ARID1B: variants seen among roughly 807,000 people sequenced by gnomAD.
The protein encoded by ARID1B is AT-rich interactive domain-containing protein 1B.
ARID1B carries 30 observed loss-of-function variants against 212.3 expected under a neutral mutation model. The observed-to-expected ratio is 0.14, with a 90% CI of 0.11 to 0.19. ARID1B has a LOEUF of 0.19. Ranked by LOEUF, ARID1B falls within the 10% of genes least tolerant of loss-of-function variation. The probability of loss-of-function intolerance (pLI) is 1.00; values close to 1 mark genes in which losing one functional copy is unlikely to be tolerated. For synonymous variants in ARID1B, 1,402 were observed against 1,301.7 expected (o/e 1.08, Z -1.66); for missense variants, 2,891 against 3,204.0 (o/e 0.90, Z 2.36).
chr6:157,101,917 G>A (rs1279666724), intron 5 of ARID1B, among the ~76,000 whole-genome samples: 1 of 152,122 alleles, frequency 6.6e-6, no homozygotes, highest in African/African-American at 2.4e-5. Flanking sequence ...TCCATCTTAG[G>A]TTAGTTGGCT....
At chr6:156,962,917 G>T (rs2128326964) in intron 4 of ARID1B, among the ~76,000 whole-genome samples, 1 of 151,924 alleles carries the variant, frequency 6.6e-6, no homozygotes, top group African/African-American at 2.4e-5. Flanking sequence ...CAGTAGCTGG[G>T]ACTACAGGCG....
chr6:157,099,590 C>T (rs535728317), intron 5 of ARID1B, among the ~76,000 whole-genome samples: 18 of 152,218 alleles, frequency 1.2e-4, no homozygotes, highest in Admixed American at 5.2e-4. Context: ...GGGTGAGTAA[C>T]GTTTTATAAG....
chr6:157,144,171 T>G (rs1789562817), intron 7 of ARID1B, among the ~76,000 whole-genome samples: 1 of 152,214 alleles, frequency 6.6e-6, no homozygotes, highest in African/African-American at 2.4e-5. Flanking sequence ...CTTTCCTTTG[T>G]GTTCATTAAG....
At chr6:156,899,686 A>G (rs1020592545) in intron 2 of ARID1B, among the ~76,000 whole-genome samples, 2 of 152,180 alleles carry the variant, frequency 1.3e-5, no homozygotes, top group East Asian at 3.9e-4. Context: ...TGGCTGCTCT[A>G]GTGTTAGTAG....
At chr6:156,895,190 A>G (rs1788284789) in intron 2 of ARID1B, among the ~76,000 whole-genome samples, 1 of 152,172 alleles carries the variant, frequency 6.6e-6, no homozygotes, top group East Asian at 1.9e-4. Flanking sequence ...TATAGAACTC[A>G]TTTCTGTGTG....
chr6:156,861,711 C>CT (rs1785346200), intron 2 of ARID1B, among the ~76,000 whole-genome samples: 1 of 152,182 alleles, frequency 6.6e-6, no homozygotes, highest in Admixed American at 6.5e-5. Context: ...GGAACCTGAA[C>CT]TTTATCATGC....
intron 2 of ARID1B, among the ~76,000 whole-genome samples, chr6:156,868,587 G>A (rs1785885194): frequency 6.6e-6 from 1 of 152,162 alleles, no homozygotes; most frequent in African/African-American, 2.4e-5. Flanking sequence ...ATGGTGGAAG[G>A]GGGTGGCCAG....
Position 156,778,190 on chromosome 6 carries a change from C to T in ARID1B, c.510C>T (p.His170=), listed in dbSNP as rs1370116486. Residue 170 remains histidine, a synonymous_variant, in exon 1 of 20, where the codon CAC becomes CAT. Coordinates refer to ENST00000636930, the MANE Select transcript of ARID1B (RefSeq NM_001374828.1). ...AAPPHQQHHH[H]HHAHHHHHHA... ...CGCCCCACCAGCAGCACCACCACCACCACCATGCCCACCACCACCACCACC... is the reference window on the plus strand; with the variant it reads ...CGCCCCACCAGCAGCACCACCACCATCACCATGCCCACCACCACCACCACC... 9.7e-6 allele frequency: 15 copies of T among 1,540,322 alleles called. No homozygotes were observed. The highest frequency in any genetic ancestry group is 2.6e-6 in the Non-Finnish European group (3 of 1,146,186).
At chr6:156,784,001 C>T (rs987321065) in intron 1 of ARID1B, among the ~76,000 whole-genome samples, 20 of 151,886 alleles carry the variant, frequency 1.3e-4, no homozygotes, top group African/African-American at 4.8e-4. Flanking sequence ...TTTATGGAGG[C>T]TGAAAATATT....
intron 2 of ARID1B, among the ~76,000 whole-genome samples, chr6:156,895,753 C>T (rs1788331241): frequency 6.6e-6 from 1 of 152,112 alleles, no homozygotes; most frequent in Non-Finnish European, 1.5e-5. Context: ...CACACACACA[C>T]ACCCACATAC....
rs1460353749 is a variant in ARID1B, at chr6:157,174,897, G to A, written c.3396G>A (p.Leu1132=). The part of the protein sequence containing the change: ...GISQPPTPGN[L]PVPSPMSPSS... Reference sequence around the variant, plus strand: ...CTCAGCCCCCAACCCCAGGCAACCTGCCAGTCCCTTCCCCAATGTCCCCCA... The same window carrying A: ...CTCAGCCCCCAACCCCAGGCAACCTACCAGTCCCTTCCCCAATGTCCCCCA... Residue 1132 remains leucine, a synonymous_variant, in exon 11 of 20, where the codon CTG becomes CTA. Coordinates refer to ENST00000636930, the MANE Select transcript of ARID1B (RefSeq NM_001374828.1). The A allele has an allele frequency of 1.3e-6, 2 of 1,551,384 alleles. No homozygotes were observed. The highest frequency in any genetic ancestry group is 1.2e-5 in the South Asian group (1 of 83,408).
At chr6:157,133,850 A>T (rs1788720576) in intron 7 of ARID1B, among the ~76,000 whole-genome samples, 4 of 152,140 alleles carry the variant, frequency 2.6e-5, no homozygotes, top group Non-Finnish European at 4.4e-5. Flanking sequence ...CTGGAAGTGG[A>T]TGTAGGTTTT....
At position 157,201,357 on chromosome 6, in the gene ARID1B, C is replaced by G. The variant is rs781086610; in HGVS notation, c.5132C>G (p.Pro1711Arg). 3.1e-6 allele frequency: 5 copies of G among 1,613,142 alleles called. No homozygotes were observed. In the East Asian group the frequency reaches 1.1e-4, roughly 36 times the overall value. The change falls in exon 18 of 20, where the codon CCC becomes CGC. Residue 1711 changes from proline (P) to arginine (R), a missense_variant. Around this residue, in one of 7 missense-constraint regions of ARID1B, gnomAD observed 666 missense variants for 873.5 expected, o/e 0.76. Coordinates refer to ENST00000636930, the MANE Select transcript of ARID1B (RefSeq NM_001374828.1). The surrounding 1 kb of genome is among the most constrained non-coding windows in gnomAD (Gnocchi z 5.2). Reference protein sequence around the residue: ...MKMQKVMPTVPTSQVTGPPPQ... With the variant: ...MKMQKVMPTVRTSQVTGPPPQ... ...ATGCAGAAGGTCATGCCCACGGTCC[C>G]CACATCCCAGGTCACCGGGCCACCA...
chr6:156,858,999 A>G (rs918045636), intron 2 of ARID1B, among the ~76,000 whole-genome samples: 21 of 152,218 alleles, frequency 1.4e-4, no homozygotes, highest in African/African-American at 4.6e-4. Flanking sequence ...TGTAGACATT[A>G]TCAACCCTAT....
At chr6:156,965,167 TTTC>T (rs1794657296) in intron 4 of ARID1B, among the ~76,000 whole-genome samples, 1 of 152,176 alleles carries the variant, frequency 6.6e-6, no homozygotes, top group Non-Finnish European at 1.5e-5. Context: ...GGATCAAGAG[TTTC>T]TTATTTTTAT....
intron 2 of ARID1B, among the ~76,000 whole-genome samples, chr6:156,846,999 T>C (rs571251060): frequency 2.6e-5 from 4 of 152,230 alleles, no homozygotes; most frequent in African/African-American, 7.2e-5. Flanking sequence ...ACCTTTCTTA[T>C]CTGTTACCAT....
In ARID1B at chr6:156,778,846, C is replaced by T; in HGVS notation, c.1166C>T (p.Ala389Val). 2 of 1,406,366 alleles carry T rather than the reference C, an allele frequency of 1.4e-6. No individual in the cohort carries two copies. Among genetic ancestry groups the T allele is most frequent in the East Asian group, 3.1e-5 (1 of 32,404 alleles). 87.1% of individuals were successfully genotyped at this position (1,406,366 alleles called of 1,614,324 possible). ...NHYPGYSRPGAGGGGGGGGGG... is the reference protein window; with the variant it reads ...NHYPGYSRPGVGGGGGGGGGG... ...TATCCGGGCTACAGCCGGCCCGGCGCGGGCGGCGGCGGCGGCGGCGGCGGC... is the reference window on the plus strand; with the variant it reads ...TATCCGGGCTACAGCCGGCCCGGCGTGGGCGGCGGCGGCGGCGGCGGCGGC... Residue 389 changes from alanine to valine, a missense_variant, in exon 1 of 20, where the codon GCG becomes GTG. Ala to Val is a moderately conservative substitution (Grantham distance 64). This residue lies in a region of ARID1B where 1,643 missense variants were observed against 1,544.0 expected (regional missense o/e 1.06). Transcript: ENST00000636930.
rs775326928 is a variant in ARID1B at position 157,184,191 on chromosome 6, C to G, written c.3715-40C>G. Reference sequence around the variant, plus strand: ...TTGTCTCCTGGCTTTAAACAAGCCACTTTGTTGCAAACCAATGATCCTGCC... The same window carrying G: ...TTGTCTCCTGGCTTTAAACAAGCCAGTTTGTTGCAAACCAATGATCCTGCC... On this transcript the variant is annotated intron_variant, in intron 12 of 19. Transcript: ENST00000636930. The G allele has an allele frequency of 7.1e-6, 11 of 1,554,406 alleles. No individual in the cohort carries two copies. The Admixed American group carries it at 2.0e-4, about 28-fold the overall frequency.
intron 3 of ARID1B, among the ~76,000 whole-genome samples, chr6:156,930,915 G>A (rs1305892596): frequency 1.3e-5 from 2 of 152,158 alleles, no homozygotes; most frequent in African/African-American, 4.8e-5. Flanking sequence ...GCTAGGCCAG[G>A]CAGAGTGGCT....
Sources: allele counts gnomAD v4.1 joint callset (sites outside exome capture counted in the v4.1 genomes callset), GRCh38; gene constraint gnomAD v4.1.1; regional missense constraint gnomAD v4.1.1; non-coding constraint Gnocchi (gnomAD v3.1); transcripts MANE v1.5; gene names NCBI Gene and HGNC (gene_info 2026-07-23, HGNC 2026-07-21).